The following MCTP1 variants were observed in gnomAD, a reference collection of about 807,000 sequenced individuals.
The protein encoded by MCTP1 is multiple C2 and transmembrane domain containing 1, also known as multiple C2 and transmembrane domain-containing protein 1.
A neutral mutation model predicts 120.6 loss-of-function variants in MCTP1; 69 were observed. The observed-to-expected ratio is 0.57, with a 90% CI of 0.47 to 0.70. The LOEUF (loss-of-function observed/expected upper bound fraction) is 0.70. MCTP1 is among the 30% of genes least tolerant of loss of function. The probability of loss-of-function intolerance (pLI) is 0.00; values close to 1 mark genes in which losing one functional copy is unlikely to be tolerated. For synonymous variants in MCTP1, 529 were observed against 493.1 expected (o/e 1.07, Z -0.96); for missense variants, 1,203 against 1,248.8 (o/e 0.96, Z 0.55).
intron 19 of MCTP1, among the ~76,000 whole-genome samples, chr5:94,729,147 A>G (rs1202034042): frequency 6.6e-6 from 1 of 152,232 alleles, no homozygotes; most frequent in East Asian, 1.9e-4. Flanking sequence ...TTGGTCAGGA[A>G]AACAGAAACT....
At chr5:95,082,681 A>T (rs1404341500) in intron 1 of MCTP1, among the ~76,000 whole-genome samples, 1 of 152,190 alleles carries the variant, frequency 6.6e-6, no homozygotes, top group Non-Finnish European at 1.5e-5. Context: ...TGTAATCATA[A>T]TAAAATTATT....
chr5:94,778,686 C>A (rs181655795), intron 19 of MCTP1, among the ~76,000 whole-genome samples: 4 of 152,240 alleles, frequency 2.6e-5, no homozygotes, highest in East Asian at 1.9e-4. Flanking sequence ...TTTTGCTGAG[C>A]AATTGTTTGA....
intron 1 of MCTP1, among the ~76,000 whole-genome samples, chr5:95,278,875 T>C (rs1361073425): frequency 1.3e-5 from 2 of 151,844 alleles, no homozygotes; most frequent in African/African-American, 4.8e-5. Context: ...GGTGGAAGAA[T>C]TGCTTGAACC....
intron 3 of MCTP1, among the ~76,000 whole-genome samples, chr5:94,945,688 T>C (rs293034): frequency 0.25 from 37,398 of 152,064 alleles, 4,864 homozygotes; most frequent in East Asian, 0.53. Flanking sequence ...GTGATAAATG[T>C]TAAGGAGAAG....
At position 94,706,486 on chromosome 5, in the gene MCTP1, C is replaced by T. The variant is rs1367369335; in HGVS notation, c.*1010G>A. On this transcript the variant is annotated 3_prime_UTR_variant, in exon 23 of 23. Transcript: ENST00000515393. ...AATGTAGTGAAACACTGGCATATCACTTAGCACACTGAATTCTCTACATTA... is the reference window on the plus strand; with the variant it reads ...AATGTAGTGAAACACTGGCATATCATTTAGCACACTGAATTCTCTACATTA... 6.6e-6 allele frequency: 1 copy of T among 151,260 alleles called. No homozygotes were observed. The highest frequency in any genetic ancestry group is 2.4e-5 in the African/African-American group (1 of 41,224). The allele number at this position is 151,260 out of a possible 1,614,324, so 9.4% of individuals were successfully genotyped here. A position where few individuals can be genotyped will look rare whatever the true frequency, so the allele number is the denominator to read the frequency against.
In MCTP1 at chr5:94,892,862, T is replaced by C. The variant is rs916835143; in HGVS notation, c.1839+1787A>G. ...ATATGGCATTCATTCATTCATTTCATGATCCTTATAATAAAAGGGAAACAC... is the reference window on the plus strand; with the variant it reads ...ATATGGCATTCATTCATTCATTTCACGATCCTTATAATAAAAGGGAAACAC... On this transcript the variant is annotated intron_variant, in intron 11 of 22. Transcript: ENST00000515393. 2.4e-4 allele frequency among the ~76,000 whole-genome samples: 37 copies of C among 152,242 alleles called. 1 individual carries two copies. The highest frequency in any genetic ancestry group is 2.2e-3 in the Admixed American group (33 of 15,286).
chr5:94,909,250 C>T lies in MCTP1; in HGVS notation c.1652+1G>A, dbSNP rs1807801614. On this transcript the variant is annotated splice_donor_variant, in intron 10 of 22. Coordinates refer to ENST00000515393, the MANE Select transcript of MCTP1 (RefSeq NM_024717.7). LOFTEE classifies it high-confidence loss of function. ...AACCAAAAATTACAAATTGCACAAACCTGCCAATGAAATCATCCCTTTTCC... is the reference window on the plus strand; with the variant it reads ...AACCAAAAATTACAAATTGCACAAATCTGCCAATGAAATCATCCCTTTTCC... 1 of 1,611,802 alleles carries T rather than the reference C, an allele frequency of 6.2e-7. No individual in the cohort carries two copies.
In MCTP1 at chr5:95,002,995, G is replaced by C. The variant is rs1036965744; in HGVS notation, c.838+14372C>G. ...TCATGGGGGCAGCTTCCCCCATGCT[G>C]TTCTTGTGATAGTGAGTTCTTATGA... On this transcript the variant is annotated intron_variant, in intron 2 of 22. Coordinates refer to ENST00000515393, the MANE Select transcript of MCTP1 (RefSeq NM_024717.7). Among the ~76,000 whole-genome samples, 4 of 152,252 alleles carry C rather than the reference G, an allele frequency of 2.6e-5. No homozygotes were observed. The East Asian group carries it at 7.7e-4, about 29-fold the overall frequency.
At chr5:95,090,848 C>A (rs1755791299) in intron 1 of MCTP1, among the ~76,000 whole-genome samples, 1 of 152,114 alleles carries the variant, frequency 6.6e-6, no homozygotes, top group Non-Finnish European at 1.5e-5. Context: ...CATATCTGAG[C>A]TCTCACCTGT....
chr5:94,969,919 G>A (rs1481089998), intron 2 of MCTP1, among the ~76,000 whole-genome samples: 3 of 151,836 alleles, frequency 2.0e-5, no homozygotes, highest in Non-Finnish European at 2.9e-5. Flanking sequence ...TTATGCCCTA[G>A]GATGGAAATA....
intron 19 of MCTP1, among the ~76,000 whole-genome samples, chr5:94,729,714 A>G (rs1341931975): frequency 1.3e-5 from 2 of 152,222 alleles, no homozygotes; most frequent in Non-Finnish European, 2.9e-5. Flanking sequence ...TACAAACTCA[A>G]CTTGCTTGAG....
chr5:95,284,397 G>T lies in MCTP1; in HGVS notation c.179C>A (p.Pro60His), dbSNP rs1760588324. 1 of 1,591,650 alleles carries T rather than the reference G, an allele frequency of 6.3e-7. No individual in the cohort carries two copies. Residue 60 changes from proline (P) to histidine (H), a missense_variant, in exon 1 of 23, where the codon CCC becomes CAC. Transcript: ENST00000515393. The surrounding 1 kb of genome is among the most constrained non-coding windows in gnomAD (Gnocchi z 5.2). Reference protein sequence around the residue: ...TADTPSPSPPPPVGTGNAPAR... With the variant: ...TADTPSPSPPHPVGTGNAPAR... ...CGGTGCATTCCCTGTGCCCACCGGG[G>T]GTGGCGGGGAGGGCGACGGGGTGTC... is the stretch of plus-strand genomic sequence containing the variant.
chr5:95,000,401 A>C (rs1833444139), intron 2 of MCTP1, among the ~76,000 whole-genome samples: 3 of 152,202 alleles, frequency 2.0e-5, no homozygotes, highest in Admixed American at 2.0e-4. Context: ...GAGGTATTCC[A>C]AAAGAAGGCA....
chr5:94,717,296 G>A (rs936401248), intron 19 of MCTP1, among the ~76,000 whole-genome samples: 7 of 152,014 alleles, frequency 4.6e-5, no homozygotes, highest in African/African-American at 9.6e-5. Flanking sequence ...CAATAGACGC[G>A]AAAAAGGCCT....
chr5:95,082,687 T>C (rs1159729515), intron 1 of MCTP1, among the ~76,000 whole-genome samples: 1 of 152,210 alleles, frequency 6.6e-6, no homozygotes, highest in East Asian at 1.9e-4. Flanking sequence ...CATAATAAAA[T>C]TATTAAATAT....
intron 2 of MCTP1, among the ~76,000 whole-genome samples, chr5:94,989,806 T>C (rs1355922028): frequency 6.6e-6 from 1 of 152,126 alleles, no homozygotes; most frequent in Non-Finnish European, 1.5e-5. Flanking sequence ...TAATCAACCA[T>C]GCCTACATAA....
chr5:95,127,522 A>G (rs529645727), intron 1 of MCTP1, among the ~76,000 whole-genome samples: 2 of 152,246 alleles, frequency 1.3e-5, no homozygotes, highest in South Asian at 4.1e-4. Context: ...GCAACTTGGA[A>G]GAGCATCTAT....
intron 17 of MCTP1, among the ~76,000 whole-genome samples, chr5:94,819,233 A>G (rs1036021186): frequency 6.6e-6 from 1 of 151,968 alleles, no homozygotes; most frequent in Non-Finnish European, 1.5e-5. Flanking sequence ...GGTTCCAGCC[A>G]TTCTTCTGCC....
At position 94,917,961 on chromosome 5, in the gene MCTP1, G is replaced by A. The variant is rs758727332; in HGVS notation, c.1285C>T (p.Pro429Ser). The A allele has an allele frequency of 6.2e-7, 1 of 1,613,746 alleles. No homozygotes were observed. Among genetic ancestry groups the A allele is most frequent in the South Asian group, 1.1e-5 (1 of 91,078 alleles). ...KSLFWRTCGR[P>S]ALPVLGFCRA... ...CAGAAGCCCAGGACAGGAAGAGCTG[G>A]CCTGCCGCACGTCTGGATGGAAATG... The change falls in exon 8 of 23, where the codon CCA becomes TCA. Residue 429 changes from proline to serine, a missense_variant. Pro to Ser is a moderately conservative substitution (Grantham distance 74). Around this residue, in one of 2 missense-constraint regions of MCTP1, gnomAD observed 740 missense variants for 871.1 expected, o/e 0.85. Coordinates refer to ENST00000515393, the MANE Select transcript of MCTP1 (RefSeq NM_024717.7).
Sources: allele counts gnomAD v4.1 joint callset (sites outside exome capture counted in the v4.1 genomes callset), GRCh38; gene constraint gnomAD v4.1.1; regional missense constraint gnomAD v4.1.1; non-coding constraint Gnocchi (gnomAD v3.1); transcripts MANE v1.5; gene names NCBI Gene and HGNC (gene_info 2026-07-23, HGNC 2026-07-21).